The following PRSS3 variants were observed in gnomAD, a reference collection of about 807,000 sequenced individuals.
The protein encoded by PRSS3 is serine protease 3.
Under a neutral mutation model 20.8 loss-of-function variants are expected in PRSS3, and 14 were observed. The observed-to-expected ratio is 0.67, with a 90% confidence interval of 0.44 to 1.05. The LOEUF (loss-of-function observed/expected upper bound fraction) is 1.05. Among genes scored for constraint, PRSS3 ranks in the 50% least tolerant of loss-of-function variants. PRSS3 has a pLI of 0.00. For synonymous variants in PRSS3, 91 were observed against 117.6 expected (o/e 0.77, Z 1.46); for missense variants, 237 against 306.4 (o/e 0.77, Z 1.69).
intron 1 of PRSS3, among the ~76,000 whole-genome samples, chr9:33,766,841 T>G (rs1344631657): frequency 1.3e-5 from 2 of 152,112 alleles, no homozygotes; most frequent in Non-Finnish European, 2.9e-5. Flanking sequence ...TAAAATTGAA[T>G]AGTTGTAATT....
intron 1 of PRSS3, among the ~76,000 whole-genome samples, chr9:33,788,598 G>A (rs533224007): frequency 9.9e-5 from 15 of 152,240 alleles, no homozygotes; most frequent in African/African-American, 3.1e-4. Flanking sequence ...TTCCAGTTGA[G>A]AAACATGAGC....
chr9:33,774,973 C>G (rs369582076), intron 1 of PRSS3, among the ~76,000 whole-genome samples: 1 of 150,056 alleles, frequency 6.7e-6, no homozygotes, highest in Non-Finnish European at 1.5e-5. Flanking sequence ...GCAACAAGAG[C>G]GAAACTCCAT....
upstream of PRSS3, among the ~76,000 whole-genome samples, chr9:33,792,307 A>C (rs943448531): frequency 1.3e-5 from 2 of 152,078 alleles, no homozygotes; most frequent in African/African-American, 4.8e-5. Flanking sequence ...CTTAGGAGAA[A>C]GATCTGGTGG....
rs978130084 is a variant in PRSS3, at chr9:33,766,322, C to G, written c.-53+15595C>G. 5.4e-5 allele frequency among the ~76,000 whole-genome samples: 8 copies of G among 148,954 alleles called. 1 individual carries two copies. The highest frequency in any genetic ancestry group is 2.0e-4 in the African/African-American group (8 of 40,066). On this transcript the variant is annotated intron_variant, in intron 1 of 5. Transcript: ENST00000342836. ...GGGGCGGTGGCTCACGCCTGTAATCCCAGCACTTTGGGAGGCCGAGGTGGG... is the reference window on the plus strand; with the variant it reads ...GGGGCGGTGGCTCACGCCTGTAATCGCAGCACTTTGGGAGGCCGAGGTGGG...
chr9:33,796,141 G>A (rs1429658138), intron 1 of PRSS3, among the ~76,000 whole-genome samples: 2 of 152,112 alleles, frequency 1.3e-5, no homozygotes, highest in Non-Finnish European at 2.9e-5. Flanking sequence ...GTCTACCTTT[G>A]TTATGCCAAA....
intron 1 of PRSS3, among the ~76,000 whole-genome samples, chr9:33,775,982 G>A (rs1265878723): frequency 6.6e-6 from 1 of 152,164 alleles, no homozygotes; most frequent in African/African-American, 2.4e-5. Context: ...GGGATTACAG[G>A]CATGAGCCAC....
chr9:33,780,526 T>C (rs1824140067), intron 1 of PRSS3, among the ~76,000 whole-genome samples: 1 of 152,074 alleles, frequency 6.6e-6, no homozygotes, highest in African/African-American at 2.4e-5. Flanking sequence ...GCTAACAACA[T>C]GGGTATGAAA....
chr9:33,756,393 G>A (rs1822951931), intron 1 of PRSS3, among the ~76,000 whole-genome samples: 1 of 152,066 alleles, frequency 6.6e-6, no homozygotes, highest in South Asian at 2.1e-4. Flanking sequence ...TTTTGGCAGG[G>A]AGATACAGGG....
intron 1 of PRSS3, among the ~76,000 whole-genome samples, chr9:33,784,382 A>G (rs1365630463): frequency 6.6e-6 from 1 of 152,240 alleles, no homozygotes; most frequent in Non-Finnish European, 1.5e-5. Flanking sequence ...CTACATGTCA[A>G]GAAAAACTGA....
intron 1 of PRSS3, among the ~76,000 whole-genome samples, chr9:33,760,005 A>C (rs1188611856): frequency 6.6e-6 from 1 of 152,230 alleles, no homozygotes; most frequent in East Asian, 1.9e-4. Context: ...CAGAGAGCCC[A>C]AGCCTTGAAG....
chr9:33,793,721 T>C, upstream of PRSS3: 2 of 961,838 alleles, frequency 2.1e-6, no homozygotes, highest in Non-Finnish European at 1.2e-6. Flanking sequence ...GTTGGCCTTA[T>C]GGTGAGCTCT....
At chr9:33,779,981 T>C (rs1355386830) in intron 1 of PRSS3, among the ~76,000 whole-genome samples, 2 of 149,378 alleles carry the variant, frequency 1.3e-5, no homozygotes, top group Non-Finnish European at 3.0e-5. Flanking sequence ...GAGTAAGCAA[T>C]TTCAAAAATG....
chr9:33,782,284 C>G (rs573351709), intron 1 of PRSS3, among the ~76,000 whole-genome samples: 2 of 152,284 alleles, frequency 1.3e-5, no homozygotes, highest in Admixed American at 6.5e-5. Context: ...ATTTCTCTGG[C>G]TTTAGACTCT....
chr9:33,752,080 T>A (rs1474206094), intron 1 of PRSS3, among the ~76,000 whole-genome samples: 1 of 152,180 alleles, frequency 6.6e-6, no homozygotes, highest in African/African-American at 2.4e-5. Flanking sequence ...GCATTCCACT[T>A]CCTTCTTTTT....
upstream of PRSS3, among the ~76,000 whole-genome samples, chr9:33,792,142 A>AG (rs1824659771): frequency 6.6e-6 from 1 of 152,146 alleles, no homozygotes; most frequent in Non-Finnish European, 1.5e-5. Context: ...GATAAAGCGA[A>AG]ATTGTGCCGT....
At chr9:33,755,396 T>C (rs1430746256) in intron 1 of PRSS3, among the ~76,000 whole-genome samples, 1 of 152,198 alleles carries the variant, frequency 6.6e-6, no homozygotes, top group Non-Finnish European at 1.5e-5. Flanking sequence ...TGTGTTTTTC[T>C]GATATTACCA....
intron 1 of PRSS3, among the ~76,000 whole-genome samples, chr9:33,754,418 C>T (rs1432060942): frequency 6.6e-6 from 1 of 152,030 alleles, no homozygotes; most frequent in African/African-American, 2.4e-5. Context: ...TCTGGTAGCC[C>T]ACCCCAAAAG....
Position 33,750,822 on chromosome 9 carries a change from G to A in PRSS3, c.-53+95G>A. 3 of 1,397,938 alleles carry A rather than the reference G, an allele frequency of 2.1e-6. No homozygotes were observed. The highest frequency in any genetic ancestry group is 2.8e-6 in the Non-Finnish European group (3 of 1,082,628). 86.6% of individuals were successfully genotyped at this position (1,397,938 alleles called of 1,614,324 possible). On this transcript the variant is annotated intron_variant, in intron 1 of 5. Coordinates refer to the PRSS3 transcript ENST00000342836. The surrounding 1 kb of genome is among the most constrained non-coding windows in gnomAD (Gnocchi z 4.8). ...GGAGCGGGGCTGTGATGGAGAGGGGGTTCCGACTCGCATGGGACCTGCGGG... is the reference window on the plus strand; with the variant it reads ...GGAGCGGGGCTGTGATGGAGAGGGGATTCCGACTCGCATGGGACCTGCGGG...
intron 1 of PRSS3, among the ~76,000 whole-genome samples, chr9:33,785,550 C>A (rs1018012694): frequency 2.6e-5 from 4 of 152,030 alleles, no homozygotes; most frequent in African/African-American, 9.7e-5. Context: ...TAGAAGAAAC[C>A]ATATTACAAG....
Sources: allele counts gnomAD v4.1 joint callset (sites outside exome capture counted in the v4.1 genomes callset), GRCh38; gene constraint gnomAD v4.1.1; non-coding constraint Gnocchi (gnomAD v3.1); transcripts MANE v1.5; gene names NCBI Gene and HGNC (gene_info 2026-07-23, HGNC 2026-07-21).